The following RBM20 variants were observed in gnomAD, a reference collection of about 807,000 sequenced individuals.
RBM20 encodes RNA-binding protein 20.
In RBM20, 51 loss-of-function variants were observed where a neutral mutation model predicts 110.1. That is an observed-to-expected ratio of 0.46 (90% CI 0.37 to 0.59). RBM20 has a LOEUF of 0.59. RBM20 is among the 20% of genes least tolerant of loss of function. The pLI, the probability that RBM20 is intolerant of heterozygous loss-of-function variation, is 0.00. For missense variants in RBM20, 1,512 were observed against 1,574.9 expected (o/e 0.96, Z 0.68); for synonymous variants, 589 against 618.2 (o/e 0.95, Z 0.70).
At chr10:110,825,292 C>T (rs774263845) in intron 12 of RBM20, among the ~76,000 whole-genome samples, 28 of 152,268 alleles carry the variant, frequency 1.8e-4, no homozygotes, top group Non-Finnish European at 3.4e-4. Context: ...AGAAATATAA[C>T]GCAAGTCTCT....
intron 1 of RBM20, among the ~76,000 whole-genome samples, chr10:110,726,115 C>T (rs1330414929): frequency 1.3e-5 from 2 of 152,198 alleles, no homozygotes; most frequent in African/African-American, 4.8e-5. Flanking sequence ...GCCTCTCCCT[C>T]TCAGTGGAAT....
At chr10:110,660,096 G>T (rs1862080986) in intron 1 of RBM20, among the ~76,000 whole-genome samples, 1 of 152,064 alleles carries the variant, frequency 6.6e-6, no homozygotes, top group Admixed American at 6.6e-5. Context: ...GGGATTATAG[G>T]TGTGAGTGAC....
intron 5 of RBM20, among the ~76,000 whole-genome samples, chr10:110,793,165 G>T (rs1374976452): frequency 2.0e-5 from 3 of 152,176 alleles, no homozygotes; most frequent in African/African-American, 7.2e-5. Context: ...AAACTAGTTT[G>T]TCTCTGTCAT....
chr10:110,663,864 C>T (rs776527646), intron 1 of RBM20, among the ~76,000 whole-genome samples: 13 of 152,138 alleles, frequency 8.5e-5, no homozygotes, highest in Non-Finnish European at 1.6e-4. Flanking sequence ...GTTGATAGAA[C>T]TGTACTGACA....
intron 1 of RBM20, among the ~76,000 whole-genome samples, chr10:110,770,914 A>G (rs1844179258): frequency 2.6e-5 from 4 of 152,224 alleles, no homozygotes. Context: ...AAACGTGACA[A>G]GAAGTCTGTT....
chr10:110,788,296 C>T (rs1443655731), intron 5 of RBM20, among the ~76,000 whole-genome samples: 2 of 152,234 alleles, frequency 1.3e-5, no homozygotes, highest in Non-Finnish European at 2.9e-5. Context: ...GCCTTGGCCA[C>T]CCATGGAGCA....
In RBM20 at chr10:110,780,799, A is replaced by T; in HGVS notation, c.192-2A>T. The T allele has an allele frequency of 6.6e-7, 1 of 1,508,776 alleles. No homozygotes were observed. The highest frequency in any genetic ancestry group is 2.5e-5 in the East Asian group (1 of 40,538). 93.5% of individuals were successfully genotyped at this position (1,508,776 alleles called of 1,614,324 possible). A position where few individuals can be genotyped will look rare whatever the true frequency, so the allele number is the denominator to read the frequency against. Reference sequence around the variant, plus strand: ...TGCATCTAGACCTCTGTCTTCCCACAGTGCCGCCAAGCTCCTGGACAAGAA... The same window carrying T: ...TGCATCTAGACCTCTGTCTTCCCACTGTGCCGCCAAGCTCCTGGACAAGAA... On this transcript the variant is annotated splice_acceptor_variant, in intron 1 of 13. Coordinates refer to ENST00000369519, the MANE Select transcript of RBM20 (RefSeq NM_001134363.3). LOFTEE classifies it high-confidence loss of function.
At chr10:110,786,906 A>T (rs962656501) in intron 5 of RBM20, among the ~76,000 whole-genome samples, 2 of 152,196 alleles carry the variant, frequency 1.3e-5, no homozygotes, top group African/African-American at 4.8e-5. Context: ...AGATGGCATT[A>T]ACTGAGCCCC....
intron 1 of RBM20, among the ~76,000 whole-genome samples, chr10:110,732,111 T>C (rs1228731015): frequency 6.6e-6 from 1 of 152,184 alleles, no homozygotes; most frequent in African/African-American, 2.4e-5. Context: ...GTGACATTTT[T>C]CCCTCCCCTG....
intron 1 of RBM20, among the ~76,000 whole-genome samples, chr10:110,666,912 G>C (rs7077903): frequency 1.5e-4 from 23 of 152,312 alleles, no homozygotes; most frequent in African/African-American, 5.5e-4. Context: ...CTTCCTTTGA[G>C]GGCGGGAAAT....
intron 1 of RBM20, among the ~76,000 whole-genome samples, chr10:110,770,638 C>T (rs1844174064): frequency 6.6e-6 from 1 of 152,168 alleles, no homozygotes; most frequent in South Asian, 2.1e-4. Context: ...TGTCAGGCAA[C>T]TCTAGAAAAA....
intron 1 of RBM20, among the ~76,000 whole-genome samples, chr10:110,743,778 G>A (rs535799769): frequency 7.8e-4 from 118 of 152,188 alleles, no homozygotes; most frequent in Non-Finnish European, 1.2e-3. Flanking sequence ...ATCACACCCG[G>A]CTAATTTTTG....
chr10:110,813,008 T>C, intron 9 of RBM20, 61 bp downstream of exon 9: 3 of 1,161,924 alleles, frequency 2.6e-6, no homozygotes, highest in Non-Finnish European at 3.5e-6. Context: ...ATAATCATAA[T>C]AATATAATGA....
At chr10:110,672,563 C>T (rs1229280806) in intron 1 of RBM20, among the ~76,000 whole-genome samples, 1 of 152,238 alleles carries the variant, frequency 6.6e-6, no homozygotes, top group Non-Finnish European at 1.5e-5. Flanking sequence ...CGGGTGTTCG[C>T]GGAAGCTGCG....
intron 9 of RBM20, among the ~76,000 whole-genome samples, chr10:110,818,359 C>T (rs1844868342): frequency 6.6e-6 from 1 of 150,388 alleles, no homozygotes; most frequent in South Asian, 2.1e-4. Flanking sequence ...TTGGAATGAT[C>T]ATTCTTGATT....
In RBM20 at chr10:110,815,354, T is replaced by G. The variant is rs192829864; in HGVS notation, c.2550+2407T>G. On this transcript the variant is annotated intron_variant, in intron 9 of 13. Coordinates refer to ENST00000369519, the MANE Select transcript of RBM20 (RefSeq NM_001134363.3). ...TTGCCCATTACAAAGTCTGCCACGA[T>G]TTTTCCTAACTGGCATAGCAGGAGG... is the stretch of plus-strand genomic sequence containing the variant. Among the ~76,000 whole-genome samples the G allele has an allele frequency of 3.9e-4, 59 of 152,304 alleles. No individual in the cohort carries two copies. The East Asian group carries it at 4.0e-3, about 10-fold the overall frequency.
At chr10:110,757,598 C>G (rs1843937743) in intron 1 of RBM20, among the ~76,000 whole-genome samples, 1 of 152,144 alleles carries the variant, frequency 6.6e-6, no homozygotes, top group Non-Finnish European at 1.5e-5. Flanking sequence ...AAAAGTGATA[C>G]CATACTGAAG....
intron 1 of RBM20, among the ~76,000 whole-genome samples, chr10:110,776,288 G>C (rs981456406): frequency 6.6e-6 from 1 of 152,216 alleles, no homozygotes; most frequent in Admixed American, 6.5e-5. Context: ...AGCCACTTTT[G>C]CATCTAATTG....
chr10:110,803,661 G>T (rs1844658682), intron 7 of RBM20, among the ~76,000 whole-genome samples: 1 of 151,966 alleles, frequency 6.6e-6, no homozygotes, highest in Non-Finnish European at 1.5e-5. Context: ...GCATTGTGAA[G>T]GTCGCATGGA....
Sources: allele counts gnomAD v4.1 joint callset (sites outside exome capture counted in the v4.1 genomes callset), GRCh38; gene constraint gnomAD v4.1.1; transcripts MANE v1.5; gene names NCBI Gene and HGNC (gene_info 2026-07-23, HGNC 2026-07-21).